ADGB: variants seen among roughly 807,000 people sequenced by gnomAD.
ADGB encodes calpain-7-like protein.
A neutral mutation model predicts 210.5 loss-of-function variants in ADGB; 172 were observed. That is an observed-to-expected ratio of 0.82 (90% CI 0.72 to 0.93). ADGB has a LOEUF of 0.93. Among genes scored for constraint, ADGB ranks in the 40% least tolerant of loss-of-function variants. The pLI is 0.00. For synonymous variants in ADGB, 658 were observed against 662.7 expected (o/e 0.99, Z 0.11); for missense variants, 2,025 against 1,964.8 (o/e 1.03, Z -0.58).
At chr6:146,805,666 C>T (rs367885644) in intron 35 of ADGB, among the ~76,000 whole-genome samples, 2 of 152,110 alleles carry the variant, frequency 1.3e-5, no homozygotes, top group African/African-American at 4.8e-5. Flanking sequence ...GGGCCTTTGA[C>T]CTCACTCCTC....
Position 146,728,623 on chromosome 6 carries a change from G to A in ADGB, c.2402G>A (p.Gly801Glu), listed in dbSNP as rs772303461. The A allele has an allele frequency of 1.3e-6, 2 of 1,551,486 alleles. No homozygotes were observed. Among genetic ancestry groups the A allele is most frequent in the African/African-American group, 2.7e-5 (2 of 73,038 alleles). The change falls in exon 20 of 36, where the codon GGA becomes GAA. Residue 801 changes from glycine (G) to glutamate (E), a missense_variant. Transcript: ENST00000397944. ...EQSLLIMKAIGNVIANFKDKG... is the reference protein window; with the variant it reads ...EQSLLIMKAIENVIANFKDKG... The stretch of plus-strand genomic sequence containing the variant: ...TCTCTGTTGATTATGAAAGCTATTG[G>A]AAATGTGATTGCTAATTTCAAAGAT...
intron 2 of ADGB, among the ~76,000 whole-genome samples, chr6:146,643,971 T>C (rs1775559654): frequency 6.6e-6 from 1 of 151,918 alleles, no homozygotes; most frequent in Non-Finnish European, 1.5e-5. Flanking sequence ...CTGAATGTTA[T>C]ATAGACATTC....
intron 16 of ADGB, among the ~76,000 whole-genome samples, chr6:146,719,838 G>A (rs1459159890): frequency 6.6e-6 from 1 of 152,132 alleles, no homozygotes; most frequent in East Asian, 1.9e-4. Context: ...TTTTCAGATA[G>A]TGAATGTTTG....
At position 146,801,820 on chromosome 6, in the gene ADGB, G is replaced by T; in HGVS notation, c.4635-8G>T. 6.5e-7 allele frequency: 1 copy of T among 1,531,114 alleles called. No individual in the cohort carries two copies. Among genetic ancestry groups the T allele is most frequent in the Non-Finnish European group, 8.8e-7 (1 of 1,136,994 alleles). The allele number at this position is 1,531,114 out of a possible 1,614,324, so 94.8% of individuals were successfully genotyped here. A position where few individuals can be genotyped will look rare whatever the true frequency, so the allele number is the denominator to read the frequency against. On this transcript the variant is annotated splice_region_variant and splice_polypyrimidine_tract_variant and intron_variant, in intron 34 of 35. Transcript: ENST00000397944. ...AAATCTGTATCTTTTGATGACTTTT[G>T]TATCAAGGAAAACAGATACAGATCC...
intron 8 of ADGB, among the ~76,000 whole-genome samples, chr6:146,673,262 G>C (rs550290002): frequency 2.6e-5 from 4 of 152,296 alleles, no homozygotes; most frequent in East Asian, 3.9e-4. Flanking sequence ...ACATTCTTCT[G>C]TTGTAAGAGT....
intron 35 of ADGB, among the ~76,000 whole-genome samples, chr6:146,806,301 A>G (rs1036324436): frequency 3.9e-5 from 6 of 152,326 alleles, no homozygotes; most frequent in African/African-American, 1.2e-4. Context: ...GATCAATAAC[A>G]TATTTCTTAT....
chr6:146,602,567 A>G (rs954671859), intron 1 of ADGB, among the ~76,000 whole-genome samples: 1 of 152,196 alleles, frequency 6.6e-6, no homozygotes, highest in Admixed American at 6.5e-5. Context: ...GATAGGTTAA[A>G]CAACAAACAT....
At chr6:146,743,316 A>T (rs1777184590) in intron 25 of ADGB, among the ~76,000 whole-genome samples, 1 of 152,184 alleles carries the variant, frequency 6.6e-6, no homozygotes, top group African/African-American at 2.4e-5. Context: ...ATTTTGGAAG[A>T]GACCTTTAAA....
chr6:146,814,985 G>A (rs1778361866), intron 35 of ADGB, 47 bp from the exon 36 acceptor site: 1 of 1,491,856 alleles, frequency 6.7e-7, no homozygotes. Flanking sequence ...GGGAACATAA[G>A]CCTTTACCAG....
intron 28 of ADGB, among the ~76,000 whole-genome samples, chr6:146,766,826 T>C (rs1404524017): frequency 6.6e-6 from 1 of 152,158 alleles, no homozygotes; most frequent in East Asian, 1.9e-4. Context: ...GGTGATAAAT[T>C]GCAAATAACA....
intron 35 of ADGB, chr6:146,803,052 A>T (rs193159874): frequency 6.4e-7 from 1 of 1,565,884 alleles, no homozygotes; most frequent in African/African-American, 1.4e-5. Context: ...TAGAAGCAAC[A>T]AGTCTACACA....
chr6:146,657,123 G>A (rs969452302), intron 5 of ADGB, 143 bp downstream of exon 5: 35 of 718,906 alleles, frequency 4.9e-5, no homozygotes, highest in Middle Eastern at 3.9e-4. Context: ...TCAGGAGTTC[G>A]CAACCAGCCT....
chr6:146,661,101 C>T (rs975711543), intron 5 of ADGB, among the ~76,000 whole-genome samples: 4 of 152,036 alleles, frequency 2.6e-5, no homozygotes, highest in African/African-American at 7.2e-5. Context: ...CAACTAGTAT[C>T]ATGATTTTAC....
Position 146,701,268 on chromosome 6 carries a change from G to C in ADGB, c.1707+198G>C, listed in dbSNP as rs755518130. Among the ~76,000 whole-genome samples the C allele has an allele frequency of 2.6e-5, 4 of 152,174 alleles. No homozygotes were observed. In the South Asian group the frequency reaches 8.3e-4, roughly 32 times the overall value. The stretch of plus-strand genomic sequence containing the variant: ...CATCTGCTATAGAAGTCCCCTGTGT[G>C]TTTCTTCTTGGTTGTATTTTCTGTC... On this transcript the variant is annotated intron_variant, in intron 13 of 35. Transcript: ENST00000397944.
chr6:146,808,778 T>C (rs1028676159), intron 35 of ADGB, among the ~76,000 whole-genome samples: 10 of 152,184 alleles, frequency 6.6e-5, no homozygotes, highest in African/African-American at 1.9e-4. Flanking sequence ...CTGCAACCTC[T>C]ACCTCCTGGA....
chr6:146,667,050 T>G, intron 7 of ADGB, 148 bp downstream of exon 7: 1 of 561,656 alleles, frequency 1.8e-6, no homozygotes, highest in Non-Finnish European at 3.1e-6. Flanking sequence ...TTATATAAAG[T>G]TCCTTGGGAA....
At chr6:146,644,691 G>A in intron 2 of ADGB, 82 bp from the exon 3 acceptor site, 3 of 814,306 alleles carry the variant, frequency 3.7e-6, no homozygotes, top group Non-Finnish European at 5.5e-6. Flanking sequence ...CCAAATCTAT[G>A]CACTTATTTC....
chr6:146,647,427 GA>G (rs1047761057), intron 3 of ADGB, among the ~76,000 whole-genome samples: 1 of 151,932 alleles, frequency 6.6e-6, no homozygotes, highest in African/African-American at 2.4e-5. Flanking sequence ...CAAACATGAT[GA>G]AAAAAAGTAC....
At position 146,752,640 on chromosome 6, in the gene ADGB, G is replaced by A. The variant is rs1242021597; in HGVS notation, c.3476G>A (p.Ser1159Asn). 2 of 1,550,960 alleles carry A rather than the reference G, an allele frequency of 1.3e-6. No homozygotes were observed. The highest frequency in any genetic ancestry group is 1.7e-6 in the Non-Finnish European group (2 of 1,146,492). Residue 1159 changes from serine (S) to asparagine (N), a missense_variant, in exon 27 of 36, where the codon AGC becomes AAC. Coordinates refer to ENST00000397944, the MANE Select transcript of ADGB (RefSeq NM_024694.4). ...CTAGAAAATGAAGAAACTATGGTGAGCTCCACTGGAAAAGGCCAAGCTATA... is the reference window on the plus strand; with the variant it reads ...CTAGAAAATGAAGAAACTATGGTGAACTCCACTGGAAAAGGCCAAGCTATA... ...QVLENEETMV[S>N]STGKGQAIIP... is the part of the protein sequence containing the mutation.
Sources: allele counts gnomAD v4.1 joint callset (sites outside exome capture counted in the v4.1 genomes callset), GRCh38; gene constraint gnomAD v4.1.1; transcripts MANE v1.5; gene names NCBI Gene and HGNC (gene_info 2026-07-23, HGNC 2026-07-21).